The following DEPTOR variants were observed in gnomAD, a reference collection of about 807,000 sequenced individuals.
DEPTOR encodes DEP domain-containing mTOR-interacting protein.
DEPTOR carries 41 observed loss-of-function variants against 41.6 expected under a neutral mutation model. That is an observed-to-expected ratio of 0.98 (90% CI 0.77 to 1.28). DEPTOR has a LOEUF of 1.28. Among genes scored for constraint, DEPTOR ranks in the 50% most tolerant of loss-of-function variants. The probability of loss-of-function intolerance (pLI) is 0.00; values close to 1 mark genes in which losing one functional copy is unlikely to be tolerated. For missense variants in DEPTOR, 514 were observed against 527.9 expected, an observed-to-expected ratio of 0.97 and a Z score of 0.26; for synonymous variants, 195 against 192.3, an observed-to-expected ratio of 1.01 and a Z score of -0.12.
chr8:120,001,425 T>A, intron 4 of DEPTOR, 100 bp from the exon 5 acceptor site: 1 of 1,085,980 alleles, frequency 9.2e-7, no homozygotes, highest in South Asian at 2.1e-5. Flanking sequence ...GAAGTCTTTC[T>A]TGAGACTTTT....
intron 1 of DEPTOR, among the ~76,000 whole-genome samples, chr8:119,875,037 T>G (rs1055528472): frequency 2.6e-5 from 4 of 152,172 alleles, no homozygotes; most frequent in Non-Finnish European, 5.9e-5. Flanking sequence ...AGACCAATAT[T>G]GGAAGTCAGA....
intron 4 of DEPTOR, among the ~76,000 whole-genome samples, chr8:119,991,039 TTTC>T (rs1341559210): frequency 2.3e-4 from 3 of 12,892 alleles, no homozygotes; most frequent in Non-Finnish European, 5.3e-4. Flanking sequence ...CTTTTCTTTC[TTTC>T]TTTCTTTCTT....
intron 1 of DEPTOR, among the ~76,000 whole-genome samples, chr8:119,877,351 A>G (rs1361233555): frequency 6.6e-6 from 1 of 152,214 alleles, no homozygotes; most frequent in Non-Finnish European, 1.5e-5. Context: ...GTTAGTACAG[A>G]GCAGTATAAT....
At chr8:119,893,326 GAGA>G (rs1827474577) in intron 1 of DEPTOR, among the ~76,000 whole-genome samples, 1 of 152,246 alleles carries the variant, frequency 6.6e-6, no homozygotes, top group Non-Finnish European at 1.5e-5. Context: ...GGGGAACACA[GAGA>G]AGGAGAGGAA....
chr8:119,986,102 G>C (rs536904020), intron 4 of DEPTOR, among the ~76,000 whole-genome samples: 1 of 152,006 alleles, frequency 6.6e-6, no homozygotes, highest in African/African-American at 2.4e-5. Flanking sequence ...CCTGTTAGTT[G>C]ATGCAGTTTC....
At chr8:119,994,711 T>C (rs1209863206) in intron 4 of DEPTOR, among the ~76,000 whole-genome samples, 1 of 151,032 alleles carries the variant, frequency 6.6e-6, no homozygotes, top group Admixed American at 6.6e-5. Context: ...AGGTCAGGAG[T>C]TTAAGACCAG....
chr8:120,010,471 C>T (rs934789288), intron 8 of DEPTOR, among the ~76,000 whole-genome samples: 1 of 151,872 alleles, frequency 6.6e-6, no homozygotes, highest in Admixed American at 6.6e-5. Flanking sequence ...AAAAAATTAG[C>T]CAGGCGTAGT....
chr8:119,908,933 C>A (rs1256747846), intron 1 of DEPTOR, among the ~76,000 whole-genome samples: 1 of 152,112 alleles, frequency 6.6e-6, no homozygotes, highest in African/African-American at 2.4e-5. Flanking sequence ...TCAGAGTCAC[C>A]AAGGAACAGA....
At chr8:120,035,144 C>T (rs1812961174) in intron 8 of DEPTOR, among the ~76,000 whole-genome samples, 1 of 151,982 alleles carries the variant, frequency 6.6e-6, no homozygotes, top group Admixed American at 6.6e-5. Flanking sequence ...ATGGCAAAAC[C>T]CTGTCTCTAC....
intron 8 of DEPTOR, among the ~76,000 whole-genome samples, chr8:120,020,130 C>CTCTGTCACCA: frequency 6.6e-6 from 1 of 152,270 alleles, no homozygotes; most frequent in East Asian, 1.9e-4. Flanking sequence ...CTCTGTCACC[C>CTCTGTCACCA]AGGCTGGAGT....
chr8:119,985,728 T>C (rs1466895906), intron 4 of DEPTOR, among the ~76,000 whole-genome samples: 1 of 152,036 alleles, frequency 6.6e-6, no homozygotes, highest in African/African-American at 2.4e-5. Context: ...TCTTGTTGCA[T>C]TGATCCCTTT....
intron 4 of DEPTOR, among the ~76,000 whole-genome samples, chr8:119,968,081 G>A (rs1828585834): frequency 6.6e-6 from 1 of 152,174 alleles, no homozygotes; most frequent in Non-Finnish European, 1.5e-5. Context: ...GTGCTGGTGT[G>A]ATCCCTGACC....
intron 1 of DEPTOR, among the ~76,000 whole-genome samples, chr8:119,907,610 T>C (rs961481715): frequency 5.3e-5 from 8 of 152,122 alleles, no homozygotes; most frequent in African/African-American, 1.7e-4. Context: ...CTGGCCAACA[T>C]GGTGAAACCC....
chr8:120,046,151 T>C (rs1268579995), intron 8 of DEPTOR, among the ~76,000 whole-genome samples: 1 of 152,200 alleles, frequency 6.6e-6, no homozygotes, highest in Non-Finnish European at 1.5e-5. Context: ...CTTCAATGTT[T>C]ATTGTTTTGT....
At chr8:120,030,605 C>T (rs1208369704) in intron 8 of DEPTOR, among the ~76,000 whole-genome samples, 1 of 139,130 alleles carries the variant, frequency 7.2e-6, no homozygotes, top group Admixed American at 8.2e-5. Context: ...CTCCTTGTTT[C>T]AAGCAATTCT....
intron 4 of DEPTOR, 133 bp downstream of exon 4, chr8:119,965,543 C>T: frequency 8.4e-7 from 1 of 1,185,212 alleles, no homozygotes; most frequent in Non-Finnish European, 1.2e-6. Flanking sequence ...TTCAGCTTGT[C>T]TCCAAGTTGG....
intron 4 of DEPTOR, among the ~76,000 whole-genome samples, chr8:119,980,995 TTC>T (rs1828760388): frequency 6.6e-6 from 1 of 152,158 alleles, no homozygotes; most frequent in Non-Finnish European, 1.5e-5. Flanking sequence ...CCTATTTTCT[TTC>T]TCTCTCAGTT....
intron 8 of DEPTOR, among the ~76,000 whole-genome samples, chr8:120,049,336 C>CT (rs1165468854): frequency 6.6e-6 from 1 of 151,278 alleles, no homozygotes; most frequent in Non-Finnish European, 1.5e-5. Flanking sequence ...TAGTATGTCT[C>CT]TGAGTTAGGA....
At chr8:119,920,894 C>T (rs1410376858) in intron 1 of DEPTOR, among the ~76,000 whole-genome samples, 1 of 152,094 alleles carries the variant, frequency 6.6e-6, no homozygotes, top group Non-Finnish European at 1.5e-5. Context: ...CAGGGGCTTC[C>T]TGTTGCTTTC....
Sources: allele counts gnomAD v4.1 joint callset (sites outside exome capture counted in the v4.1 genomes callset), GRCh38; gene constraint gnomAD v4.1.1; transcripts MANE v1.5; gene names NCBI Gene and HGNC (gene_info 2026-07-23, HGNC 2026-07-21).